MCTP2: variants seen among roughly 807,000 people sequenced by gnomAD.
MCTP2 encodes multiple C2 and transmembrane domain containing 2.
A neutral mutation model predicts 111.6 loss-of-function variants in MCTP2; 132 were observed. That is an observed-to-expected ratio of 1.18 (90% CI 1.03 to 1.37). The LOEUF is 1.37. Ranked by LOEUF, MCTP2 falls within the 40% of genes most tolerant of loss-of-function variation. MCTP2 has a pLI of 0.00. For synonymous variants in MCTP2, 395 were observed against 387.7 expected, an observed-to-expected ratio of 1.02 and a Z score of -0.22; for missense variants, 1,183 against 1,067.9, an observed-to-expected ratio of 1.11 and a Z score of -1.50.
At chr15:94,377,992 G>T (rs1221402250) in intron 12 of MCTP2, among the ~76,000 whole-genome samples, 1 of 152,124 alleles carries the variant, frequency 6.6e-6, no homozygotes, top group Admixed American at 6.6e-5. Context: ...GGGAGAGGAT[G>T]TTCATGTCTT....
intron 2 of MCTP2, among the ~76,000 whole-genome samples, chr15:94,313,213 C>G (rs1433072444): frequency 6.6e-6 from 1 of 152,180 alleles, no homozygotes; most frequent in Non-Finnish European, 1.5e-5. Context: ...CCCCTCCACT[C>G]TGCCTCTCAT....
intron 1 of MCTP2, among the ~76,000 whole-genome samples, chr15:94,297,665 C>G (rs1667309431): frequency 6.6e-6 from 1 of 152,170 alleles, no homozygotes; most frequent in Non-Finnish European, 1.5e-5. Flanking sequence ...CAGCCACATT[C>G]TTTCATTTAG....
intron 1 of MCTP2, among the ~76,000 whole-genome samples, chr15:94,295,250 G>A (rs1015401356): frequency 2.0e-5 from 3 of 151,872 alleles, no homozygotes; most frequent in Non-Finnish European, 2.9e-5. Context: ...ACACCTGGCC[G>A]GGACTGGGTA....
At chr15:94,470,947 C>T (rs1189723995) in intron 21 of MCTP2, among the ~76,000 whole-genome samples, 1 of 152,144 alleles carries the variant, frequency 6.6e-6, no homozygotes, top group African/African-American at 2.4e-5. Context: ...GAATACCTAA[C>T]CAGTGCCTGA....
At chr15:94,356,395 T>G (rs1481056037) in intron 9 of MCTP2, 94 bp downstream of exon 9, 2 of 1,193,932 alleles carry the variant, frequency 1.7e-6, no homozygotes, top group Admixed American at 3.2e-5. Flanking sequence ...AAAGTAGAAG[T>G]AATTTATGTT....
intron 21 of MCTP2, 93 bp from the exon 22 acceptor site, chr15:94,476,603 G>A (rs2074372731): frequency 2.7e-6 from 2 of 740,614 alleles, no homozygotes; most frequent in South Asian, 1.7e-5. Context: ...ATGATTGACT[G>A]ACAGATAGAT....
chr15:94,314,427 T>A, intron 3 of MCTP2, 83 bp downstream of exon 3: 9 of 1,018,924 alleles, frequency 8.8e-6, no homozygotes, highest in African/African-American at 1.7e-5. Context: ...TTTTTGCCTC[T>A]TTTATTGCTA....
intron 14 of MCTP2, among the ~76,000 whole-genome samples, chr15:94,391,006 A>G (rs553874870): frequency 3.8e-4 from 58 of 152,264 alleles, no homozygotes; most frequent in African/African-American, 1.3e-3. Context: ...CTGGGATTAC[A>G]GGCGTGAGCC....
At chr15:94,339,960 A>T (rs1225548351) in intron 5 of MCTP2, among the ~76,000 whole-genome samples, 1 of 152,220 alleles carries the variant, frequency 6.6e-6, no homozygotes, top group African/African-American at 2.4e-5. Context: ...GGATATAAAT[A>T]CTGCCTTAAA....
At position 94,458,134 on chromosome 15, in the gene MCTP2, T is replaced by C. The variant is rs1315892433; in HGVS notation, c.2251-3T>C. ...AGTTAAATCTTGCTTTTATGTTTTC[T>C]AGGAATCTGAGAAAAAGGGGTTGAT... On this transcript the variant is annotated splice_region_variant and splice_polypyrimidine_tract_variant and intron_variant, in intron 19 of 22. Transcript: ENST00000357742. 3.2e-6 allele frequency: 5 copies of C among 1,564,748 alleles called. No homozygotes were observed. The highest frequency in any genetic ancestry group is 1.1e-5 in the South Asian group (1 of 89,750).
intron 4 of MCTP2, among the ~76,000 whole-genome samples, chr15:94,320,077 G>T (rs7166406): frequency 0.26 from 39,949 of 151,598 alleles, 5,523 homozygotes; most frequent in Middle Eastern, 0.35. Flanking sequence ...CTTAATTGGG[G>T]AAATGACTGA....
chr15:94,443,034 G>GTC, intron 19 of MCTP2, 74 bp downstream of exon 19: 1 of 1,069,296 alleles, frequency 9.4e-7, no homozygotes, highest in East Asian at 2.6e-5. Context: ...TTCAGGTTGA[G>GTC]TCTCTCTCCT....
intron 17 of MCTP2, among the ~76,000 whole-genome samples, chr15:94,414,628 A>C (rs984430060): frequency 3.9e-5 from 6 of 152,164 alleles, no homozygotes; most frequent in African/African-American, 7.2e-5. Flanking sequence ...GGATAGATGA[A>C]GATTTAAAAG....
At chr15:94,252,112 G>C (rs939566958) in intron 1 of MCTP2, among the ~76,000 whole-genome samples, 1 of 152,100 alleles carries the variant, frequency 6.6e-6, no homozygotes, top group African/African-American at 2.4e-5. Context: ...CCCTGCTTTC[G>C]TTTCTTTTGG....
chr15:94,386,734 A>G (rs112923994), intron 14 of MCTP2, among the ~76,000 whole-genome samples: 5 of 152,174 alleles, frequency 3.3e-5, no homozygotes, highest in East Asian at 3.9e-4. Flanking sequence ...GGGGGACTCA[A>G]AGCAAAGACT....
rs370498714 is a variant in MCTP2, at chr15:94,440,168, T to C, written c.2086-8T>C. 6.2e-7 allele frequency: 1 copy of C among 1,613,774 alleles called. No homozygotes were observed. Among genetic ancestry groups the C allele is most frequent in the Non-Finnish European group, 8.5e-7 (1 of 1,179,870 alleles). ...GCAGTCGTGTATTCTTATTTGTCTTTCAATCAGGTATTTTTGATCACTGTC... is the reference window on the plus strand; with the variant it reads ...GCAGTCGTGTATTCTTATTTGTCTTCCAATCAGGTATTTTTGATCACTGTC... On this transcript the variant is annotated splice_region_variant and splice_polypyrimidine_tract_variant and intron_variant, in intron 17 of 22. Coordinates refer to ENST00000357742, the MANE Select transcript of MCTP2 (RefSeq NM_001385001.1).
At chr15:94,428,987 C>G (rs1177890544) in intron 17 of MCTP2, among the ~76,000 whole-genome samples, 1 of 152,120 alleles carries the variant, frequency 6.6e-6, no homozygotes, top group Non-Finnish European at 1.5e-5. Flanking sequence ...ATCCACTCTC[C>G]TTTTCACTCT....
In MCTP2 at chr15:94,251,152, C is replaced by T. The variant is rs116373842; in HGVS notation, c.-66+19488C>T. 4.8e-3 allele frequency among the ~76,000 whole-genome samples: 724 copies of T among 152,264 alleles called. 9 individuals are homozygous for T. The highest frequency in any genetic ancestry group is 0.017 in the African/African-American group (694 of 41,550). The stretch of plus-strand genomic sequence containing the variant: ...GTCAGGCTGCATTCCTGCAGAGCTG[C>T]CGTAGCCACAGTGAGGACAGGACCC... On this transcript the variant is annotated intron_variant, in intron 1 of 22. Coordinates refer to ENST00000357742, the MANE Select transcript of MCTP2 (RefSeq NM_001385001.1).
chr15:94,454,484 ACAT>A (rs1422034835), intron 19 of MCTP2, among the ~76,000 whole-genome samples: 5 of 152,186 alleles, frequency 3.3e-5, no homozygotes, highest in Admixed American at 6.5e-5. Flanking sequence ...ATAAAAATAA[ACAT>A]CAGCATGGCA....
Sources: gnomAD v4.1 joint callset for allele counts (sites outside exome capture counted in the v4.1 genomes callset) on GRCh38, gnomAD v4.1.1 for gene constraint, MANE v1.5 for transcripts, NCBI Gene and HGNC (gene_info 2026-07-23, HGNC 2026-07-21) for gene names.